Variants in SORL1 observed in about 807,000 individuals in gnomAD.
SORL1 encodes sortilin related receptor 1.
A neutral mutation model predicts 273.7 loss-of-function variants in SORL1; 127 were observed. That is an observed-to-expected ratio of 0.46 (90% CI 0.40 to 0.54). The LOEUF (loss-of-function observed/expected upper bound fraction) is 0.54, where lower values mean the gene tolerates loss of function less well. SORL1 is among the 20% of genes least tolerant of loss of function. The pLI, the probability that SORL1 is intolerant of heterozygous loss-of-function variation, is 0.00. For synonymous variants in SORL1, 1,031 were observed against 1,067.4 expected, an observed-to-expected ratio of 0.97 and a Z score of 0.66; for missense variants, 2,494 against 2,846.1, an observed-to-expected ratio of 0.88 and a Z score of 2.81.
At chr11:121,465,501 A>C (rs1253936880) in intron 1 of SORL1, among the ~76,000 whole-genome samples, 1 of 151,526 alleles carries the variant, frequency 6.6e-6, no homozygotes, top group Non-Finnish European at 1.5e-5. Context: ...AAGAAGCTGC[A>C]TTAGAAATAC....
rs573677850 is a variant in SORL1 at position 121,631,624 on chromosome 11, T to C, written c.*2061T>C. 1.3e-5 allele frequency: 2 copies of C among 152,338 alleles called. No homozygotes were observed. The highest frequency in any genetic ancestry group is 4.8e-5 in the African/African-American group (2 of 41,566). 9.4% of individuals were successfully genotyped at this position (152,338 alleles called of 1,614,324 possible). On this transcript the variant is annotated 3_prime_UTR_variant, in exon 48 of 48. Transcript: ENST00000260197. ...TGAGATGTTATTTTCAGTTATTCCA[T>C]AGGCAAGCCTTTTTACAGAGCATAT...
intron 32 of SORL1, among the ~76,000 whole-genome samples, chr11:121,599,767 C>CTTT: frequency 6.8e-6 from 1 of 146,632 alleles, no homozygotes; most frequent in Non-Finnish European, 1.5e-5. Flanking sequence ...CTGCTGTGTA[C>CTTT]TTTTTTTTTT....
rs562601219 is a variant in SORL1 at position 121,595,278 on chromosome 11, C to T, written c.4370-345C>T. On this transcript the variant is annotated intron_variant, in intron 31 of 47. Coordinates refer to ENST00000260197, the MANE Select transcript of SORL1 (RefSeq NM_003105.6). The surrounding 1 kb of genome is among the most constrained non-coding windows in gnomAD (Gnocchi z 5.1). ...CTGTGTGTTGTTGATCTGATTGGTT[C>T]TGAGCTTTCTCCTGTGACGGCTTAG... 7.9e-5 allele frequency among the ~76,000 whole-genome samples: 12 copies of T among 152,308 alleles called. No homozygotes were observed. The East Asian group carries it at 2.1e-3, about 27-fold the overall frequency.
At chr11:121,459,713 A>G (rs1216370361) in intron 1 of SORL1, among the ~76,000 whole-genome samples, 1 of 152,240 alleles carries the variant, frequency 6.6e-6, no homozygotes, top group Non-Finnish European at 1.5e-5. Flanking sequence ...GCAATGAAAG[A>G]TGTAAACAGT....
At chr11:121,471,462 C>T (rs1861166267) in intron 2 of SORL1, among the ~76,000 whole-genome samples, 1 of 152,194 alleles carries the variant, frequency 6.6e-6, no homozygotes, top group South Asian at 2.1e-4. Context: ...TGGACTCCTC[C>T]TTGTGGGTGA....
rs538530111 is a variant in SORL1 at position 121,556,879 on chromosome 11, G to A, written c.2572-435G>A. 1.6e-4 allele frequency: 26 copies of A among 161,374 alleles called. No homozygotes were observed. The South Asian group carries it at 4.5e-3, about 28-fold the overall frequency. 10.0% of individuals were successfully genotyped at this position (161,374 alleles called of 1,614,324 possible). Reference sequence around the variant, plus strand: ...CTGACGGGAAGGAGCAAGAATATGAGTCCCACCTGTGGACTCTTCATTGCA... The same window carrying A: ...CTGACGGGAAGGAGCAAGAATATGAATCCCACCTGTGGACTCTTCATTGCA... On this transcript the variant is annotated intron_variant, in intron 18 of 47. Transcript: ENST00000260197.
rs1793723275 is a variant in SORL1 at position 121,606,942 on chromosome 11, C to T, written c.5046C>T (p.Leu1682=). Residue 1682 remains leucine (L), a synonymous_variant, in exon 36 of 48, where the codon CTC becomes CTT. Coordinates refer to ENST00000260197, the MANE Select transcript of SORL1 (RefSeq NM_003105.6). ...HWAPPIHTHG[L]IREYIVEYSR... is the part of the protein sequence containing the mutation. ...CTCCTCCCATCCACACCCATGGCCTCATCCGTGAGTACATTGTAAGTACCT... is the reference window on the plus strand; with the variant it reads ...CTCCTCCCATCCACACCCATGGCCTTATCCGTGAGTACATTGTAAGTACCT... The T allele has an allele frequency of 3.7e-6, 6 of 1,612,076 alleles. No homozygotes were observed. Among genetic ancestry groups the T allele is most frequent in the Non-Finnish European group, 5.1e-6 (6 of 1,178,128 alleles).
At chr11:121,625,493 G>C (rs866597502) in intron 46 of SORL1, among the ~76,000 whole-genome samples, 2 of 152,130 alleles carry the variant, frequency 1.3e-5, no homozygotes, top group Non-Finnish European at 2.9e-5. Context: ...CAGGGGGACC[G>C]GATTCTGAAC....
chr11:121,550,259 C>A lies in SORL1; in HGVS notation c.2180+171C>A, dbSNP rs1480766250. On this transcript the variant is annotated intron_variant, in intron 15 of 47. Transcript: ENST00000260197. The surrounding 1 kb of genome is among the most constrained non-coding windows in gnomAD (Gnocchi z 5.3). ...ATTATGGTATTTGTAAACTCTCCTA[C>A]CTCCACATTGCAAGTCTGTAAGCAT... 1.3e-5 allele frequency among the ~76,000 whole-genome samples: 2 copies of A among 152,198 alleles called. No homozygotes were observed. Among genetic ancestry groups the A allele is most frequent in the Admixed American group, 1.3e-4 (2 of 15,282 alleles).
intron 12 of SORL1, among the ~76,000 whole-genome samples, chr11:121,539,650 TTATTCAAA>T (rs1297896781): frequency 6.6e-6 from 1 of 152,150 alleles, no homozygotes; most frequent in African/African-American, 2.4e-5. Flanking sequence ...TACTATGTTG[TTATTCAAA>T]GATTTTTTTC....
At chr11:121,604,348 G>T in intron 33 of SORL1, 24 bp downstream of exon 33, 1 of 1,607,622 alleles carries the variant, frequency 6.2e-7, no homozygotes, top group Non-Finnish European at 8.5e-7. Flanking sequence ...CACGGGCTGG[G>T]CTGGGCTGGG....
chr11:121,454,097 C>T (rs550567017), intron 1 of SORL1, among the ~76,000 whole-genome samples: 6 of 152,226 alleles, frequency 3.9e-5, no homozygotes, highest in Non-Finnish European at 8.8e-5. Flanking sequence ...CTGTCCCCAC[C>T]CCATATGACA....
In SORL1 at chr11:121,627,247, A is replaced by T. The variant is rs1314825634; in HGVS notation, c.6365-308A>T. 2 of 349,430 alleles carry T rather than the reference A, an allele frequency of 5.7e-6. No homozygotes were observed. Among genetic ancestry groups the T allele is most frequent in the Non-Finnish European group, 1.1e-5 (2 of 188,620 alleles). The allele number at this position is 349,430 out of a possible 1,614,324, so 21.6% of individuals were successfully genotyped here. A position where few individuals can be genotyped will look rare whatever the true frequency, so the allele number is the denominator to read the frequency against. ...GGTCTTAAGTAATAATGCTAATGAA[A>T]TCAATGTTGATACCCCAACAAAGGT... On this transcript the variant is annotated intron_variant, in intron 46 of 47. Coordinates refer to ENST00000260197, the MANE Select transcript of SORL1 (RefSeq NM_003105.6). The surrounding 1 kb of genome is among the most constrained non-coding windows in gnomAD (Gnocchi z 4.9).
intron 16 of SORL1, 21 bp from the exon 17 acceptor site, chr11:121,553,916 C>T (rs575857765): frequency 3.4e-5 from 54 of 1,605,158 alleles, no homozygotes; most frequent in African/African-American, 2.8e-4. Flanking sequence ...CAACCTCCCA[C>T]GTGTCTTGTG....
At chr11:121,597,458 T>TG (rs1437409456) in intron 32 of SORL1, among the ~76,000 whole-genome samples, 1 of 149,858 alleles carries the variant, frequency 6.7e-6, no homozygotes, top group African/African-American at 2.4e-5. Flanking sequence ...GTTTGTTTGT[T>TG]TTTTTTTTTT....
intron 20 of SORL1, 113 bp downstream of exon 20, chr11:121,558,950 G>A (rs1862633563): frequency 3.6e-6 from 5 of 1,378,364 alleles, no homozygotes; most frequent in Non-Finnish European, 4.9e-6. Flanking sequence ...CTTAAAGGTT[G>A]CCTTTTTTCC....
Position 121,629,772 on chromosome 11 carries a change from A to T in SORL1, c.*209A>T. ...AACTTCAAACCAGGTTGATTTTAGT[A>T]ACCCAATTGCTTTGATTTGACATTA... On this transcript the variant is annotated 3_prime_UTR_variant, in exon 48 of 48. Coordinates refer to ENST00000260197, the MANE Select transcript of SORL1 (RefSeq NM_003105.6). 1.8e-6 allele frequency: 1 copy of T among 559,276 alleles called. No homozygotes were observed. Among genetic ancestry groups the T allele is most frequent in the Non-Finnish European group, 3.2e-6 (1 of 317,086 alleles). 34.6% of individuals were successfully genotyped at this position (559,276 alleles called of 1,614,324 possible).
At chr11:121,556,174 C>T (rs1431217901) in intron 18 of SORL1, among the ~76,000 whole-genome samples, 3 of 152,176 alleles carry the variant, frequency 2.0e-5, no homozygotes, top group African/African-American at 7.2e-5. Flanking sequence ...CTGCATGATA[C>T]ATGTGGTTTA....
intron 1 of SORL1, among the ~76,000 whole-genome samples, chr11:121,464,753 G>T (rs1261741541): frequency 6.6e-6 from 1 of 152,212 alleles, no homozygotes; most frequent in East Asian, 1.9e-4. Flanking sequence ...GCCTGCGGCT[G>T]TTTCTCCAGC....
Sources: allele counts gnomAD v4.1 joint callset (sites outside exome capture counted in the v4.1 genomes callset), GRCh38; gene constraint gnomAD v4.1.1; non-coding constraint Gnocchi (gnomAD v3.1); transcripts MANE v1.5; gene names NCBI Gene and HGNC (gene_info 2026-07-23, HGNC 2026-07-21).